Variants in NPLOC4 observed in about 807,000 individuals in gnomAD.
NPLOC4 encodes the protein nuclear protein localization protein 4 homolog.
A neutral mutation model predicts 80.6 loss-of-function variants in NPLOC4; 18 were observed. That is an observed-to-expected ratio of 0.22 (90% CI 0.15 to 0.33). The LOEUF (loss-of-function observed/expected upper bound fraction) is 0.33, where lower values mean the gene tolerates loss of function less well. Ranked by LOEUF, NPLOC4 falls within the 10% of genes least tolerant of loss-of-function variation. The pLI, the probability that NPLOC4 is intolerant of heterozygous loss-of-function variation, is 1.00. For synonymous variants in NPLOC4, 313 were observed against 301.5 expected, an observed-to-expected ratio of 1.04 and a Z score of -0.39; for missense variants, 540 against 786.1, an observed-to-expected ratio of 0.69 and a Z score of 3.74.
chr17:81,602,079 T>C (rs1014022130), intron 8 of NPLOC4, among the ~76,000 whole-genome samples: 1 of 152,008 alleles, frequency 6.6e-6, no homozygotes, highest in Non-Finnish European at 1.5e-5. Flanking sequence ...CGTGCATGCA[T>C]GCGTGTGTGT....
intron 2 of NPLOC4, 80 bp from the exon 3 acceptor site, chr17:81,622,358 A>G (rs531588943): frequency 4.9e-6 from 5 of 1,019,348 alleles, no homozygotes; most frequent in African/African-American, 4.8e-5. Flanking sequence ...AGACACTACT[A>G]GAAGAGTATT....
intron 11 of NPLOC4, among the ~76,000 whole-genome samples, chr17:81,591,472 A>T (rs1187083122): frequency 6.8e-6 from 1 of 147,196 alleles, no homozygotes; most frequent in Non-Finnish European, 1.5e-5. Context: ...AAAAAAAAAA[A>T]CCTGCTCTGG....
chr17:81,618,085 T>C (rs2144276728), intron 3 of NPLOC4, among the ~76,000 whole-genome samples: 1 of 152,200 alleles, frequency 6.6e-6, no homozygotes. Flanking sequence ...CCACCCCGTC[T>C]GGGAAGTGAG....
At chr17:81,584,133 G>C (rs1035996314) in intron 12 of NPLOC4, among the ~76,000 whole-genome samples, 2 of 152,172 alleles carry the variant, frequency 1.3e-5, no homozygotes, top group African/African-American at 2.4e-5. Context: ...TGTTTACAAG[G>C]CATGTCACCT....
intron 2 of NPLOC4, 42 bp from the exon 3 acceptor site, chr17:81,622,320 A>G: frequency 1.4e-6 from 2 of 1,390,402 alleles, no homozygotes; most frequent in Non-Finnish European, 2.0e-6. Context: ...TGAAATGCTA[A>G]AGTATCACTA....
rs546964169 is a variant in NPLOC4, at chr17:81,577,116, G to C, written c.1282-5028C>G. Among the ~76,000 whole-genome samples, 1 of 152,218 alleles carries C rather than the reference G, an allele frequency of 6.6e-6. No homozygotes were observed. Among genetic ancestry groups the C allele is most frequent in the South Asian group, 2.1e-4 (1 of 4,818 alleles). On this transcript the variant is annotated intron_variant, in intron 12 of 16. Transcript: ENST00000331134. This position sits in a 1 kb window ranked among gnomAD's most constrained non-coding sequence, Gnocchi z 4.3. ...TAAGCAATGCCTGGCCACAGCAAGG[G>C]GCAGTGGGTTCCTCAGAGATACCCT...
intron 11 of NPLOC4, among the ~76,000 whole-genome samples, chr17:81,591,030 C>T (rs574515279): frequency 2.7e-4 from 41 of 152,304 alleles, no homozygotes; most frequent in African/African-American, 9.9e-4. Context: ...TGCCCATGTG[C>T]TTGGTGGCAT....
intron 1 of NPLOC4, among the ~76,000 whole-genome samples, chr17:81,631,337 G>C (rs1418776824): frequency 6.7e-6 from 1 of 150,268 alleles, no homozygotes; most frequent in Non-Finnish European, 1.5e-5. Context: ...TTTAGCCTAG[G>C]AATTCGAGAT....
chr17:81,558,677 T>A lies in NPLOC4; in HGVS notation c.*582A>T, dbSNP rs1400380150. ...TTTAAAATCCCACCTGGACATCGGG[T>A]GAGAGGAGGAGGGCAGGCAGCAAAC... is the stretch of plus-strand genomic sequence containing the variant. On this transcript the variant is annotated 3_prime_UTR_variant, in exon 17 of 17. Transcript: ENST00000331134. 6.6e-6 allele frequency: 1 copy of A among 151,716 alleles called. No homozygotes were observed. The highest frequency in any genetic ancestry group is 1.5e-5 in the Non-Finnish European group (1 of 68,008). 9.4% of individuals were successfully genotyped at this position (151,716 alleles called of 1,614,324 possible).
rs759019674 is a variant in NPLOC4, at chr17:81,572,153, A to G, written c.1282-65T>C. 28 of 876,546 alleles carry G rather than the reference A, an allele frequency of 3.2e-5. No homozygotes were observed. Among genetic ancestry groups the G allele is most frequent in the Non-Finnish European group, 3.7e-5 (22 of 591,734 alleles). 54.3% of individuals were successfully genotyped at this position (876,546 alleles called of 1,614,324 possible). ...TCAGTAGTAATGATTTTCCTTTCAC[A>G]TGCTTGTCTCACCTTTTATTTAATT... On this transcript the variant is annotated intron_variant, in intron 12 of 16. Transcript: ENST00000331134. This position sits in a 1 kb window ranked among gnomAD's most constrained non-coding sequence, Gnocchi z 4.5.
Position 81,597,324 on chromosome 17 carries a change from A to C in NPLOC4, c.922-8T>G. The C allele has an allele frequency of 1.2e-6, 2 of 1,611,064 alleles. No homozygotes were observed. Among genetic ancestry groups the C allele is most frequent in the East Asian group, 4.5e-5 (2 of 44,832 alleles). On this transcript the variant is annotated splice_polypyrimidine_tract_variant and splice_region_variant and intron_variant, in intron 9 of 16. Transcript: ENST00000331134. ...TGTAAATATCCAGCCAACCTTAAAA[A>C]AAGGAAAGTAGCTTTTAAACATCTC...
rs2033734241 is a variant in NPLOC4 at position 81,558,727 on chromosome 17, G to T, written c.*532C>A. 1 of 152,456 alleles carries T rather than the reference G, an allele frequency of 6.6e-6. No individual in the cohort carries two copies. Among genetic ancestry groups the T allele is most frequent in the African/African-American group, 2.4e-5 (1 of 41,458 alleles). The allele number at this position is 152,456 out of a possible 1,614,324, so 9.4% of individuals were successfully genotyped here. A position where few individuals can be genotyped will look rare whatever the true frequency, so the allele number is the denominator to read the frequency against. ...CCGACCTGCAGACCTGCAGAGGGGAGCCGTGTCCAGGGCCACTGCGTCCCC... is the reference window on the plus strand; with the variant it reads ...CCGACCTGCAGACCTGCAGAGGGGATCCGTGTCCAGGGCCACTGCGTCCCC... On this transcript the variant is annotated 3_prime_UTR_variant, in exon 17 of 17. Coordinates refer to ENST00000331134, the MANE Select transcript of NPLOC4 (RefSeq NM_017921.4).
chr17:81,609,927 G>C (rs533795197), intron 5 of NPLOC4, among the ~76,000 whole-genome samples: 5 of 152,342 alleles, frequency 3.3e-5, no homozygotes, highest in African/African-American at 1.2e-4. Flanking sequence ...TGTCAGATCG[G>C]AAAAGGATTG....
intron 16 of NPLOC4, chr17:81,565,036 G>A (rs373625308): frequency 1.5e-5 from 7 of 464,958 alleles, no homozygotes; most frequent in African/African-American, 4.0e-5. Context: ...CTGAGGGTCC[G>A]GAAGACACGC....
chr17:81,606,674 G>A lies in NPLOC4; in HGVS notation c.654+17C>T. ...TCAGCCATGAAAACAAATCTAGACAGACAGGGAACATCTCACCTGTCTGTT... is the reference window on the plus strand; with the variant it reads ...TCAGCCATGAAAACAAATCTAGACAAACAGGGAACATCTCACCTGTCTGTT... On this transcript the variant is annotated intron_variant, in intron 7 of 16. Transcript: ENST00000331134. 6.2e-7 allele frequency: 1 copy of A among 1,607,370 alleles called. No homozygotes were observed. The highest frequency in any genetic ancestry group is 8.5e-7 in the Non-Finnish European group (1 of 1,176,412).
In NPLOC4 at chr17:81,632,538, T is replaced by A. The variant is rs190651812; in HGVS notation, c.16-2733A>T. Among the ~76,000 whole-genome samples, 5 of 152,086 alleles carry A rather than the reference T, an allele frequency of 3.3e-5. No individual in the cohort carries two copies. In the East Asian group the frequency reaches 9.7e-4, roughly 29 times the overall value. On this transcript the variant is annotated intron_variant, in intron 1 of 16. Transcript: ENST00000331134. The stretch of plus-strand genomic sequence containing the variant: ...CACGTTGGCCAGGCTGGTCTCGAAC[T>A]CCTGACCTCAAGTTATCCACCCACC...
At position 81,558,045 on chromosome 17, in the gene NPLOC4, A is replaced by G. The variant is rs1257655953; in HGVS notation, c.*1214T>C. ...GAGCAGCCCAGATGTGGCCATCATT[A>G]AGGCAAAGAAGCATCGAGATGCCCA... is the stretch of plus-strand genomic sequence containing the variant. On this transcript the variant is annotated 3_prime_UTR_variant, in exon 17 of 17. Coordinates refer to ENST00000331134, the MANE Select transcript of NPLOC4 (RefSeq NM_017921.4). 6.6e-6 allele frequency: 1 copy of G among 152,416 alleles called. No individual in the cohort carries two copies. Among genetic ancestry groups the G allele is most frequent in the Non-Finnish European group, 1.5e-5 (1 of 68,100 alleles). The allele number at this position is 152,416 out of a possible 1,614,324, so 9.4% of individuals were successfully genotyped here. A position where few individuals can be genotyped will look rare whatever the true frequency, so the allele number is the denominator to read the frequency against.
chr17:81,599,345 A>C (rs1352020845), intron 9 of NPLOC4, among the ~76,000 whole-genome samples: 1 of 152,212 alleles, frequency 6.6e-6, no homozygotes, highest in Admixed American at 6.5e-5. Flanking sequence ...AAATTATTTA[A>C]GTAATTTCAA....
chr17:81,565,766 C>T (rs2033991593), intron 15 of NPLOC4, among the ~76,000 whole-genome samples, 159 bp from the exon 16 acceptor site: 1 of 152,250 alleles, frequency 6.6e-6, no homozygotes. Flanking sequence ...CCACAACTTA[C>T]ATCTATAAAC....
Sources: gnomAD v4.1 joint callset for allele counts (sites outside exome capture counted in the v4.1 genomes callset) on GRCh38, gnomAD v4.1.1 for gene constraint, Gnocchi (gnomAD v3.1) non-coding constraint, MANE v1.5 for transcripts, NCBI Gene and HGNC (gene_info 2026-07-23, HGNC 2026-07-21) for gene names.